Variants in ARHGEF25 observed in about 807,000 individuals in gnomAD.
ARHGEF25 encodes the protein Rho guanine nucleotide exchange factor 25.
In ARHGEF25, 42 loss-of-function variants were observed where a neutral mutation model predicts 74.0. That is an observed-to-expected ratio of 0.57 (90% CI 0.44 to 0.73). The LOEUF is 0.73. Ranked by LOEUF, ARHGEF25 falls within the 30% of genes least tolerant of loss-of-function variation. The pLI is 0.00. For synonymous variants in ARHGEF25, 293 were observed against 278.6 expected (o/e 1.05, Z -0.51); for missense variants, 645 against 725.5 (o/e 0.89, Z 1.27).
At position 57,612,579 on chromosome 12, in the gene ARHGEF25, T is replaced by C. The variant is rs946235415; in HGVS notation, c.98-351T>C. On this transcript the variant is annotated intron_variant, in intron 1 of 14. Transcript: ENST00000286494. ...CTTCCCAGAGAATGGTCTGTACCCA[T>C]TGAAAGAGGGAGGGTTGTAGGAGAG... 8 of 467,258 alleles carry C rather than the reference T, an allele frequency of 1.7e-5. No homozygotes were observed. The Admixed American group carries it at 3.2e-4, about 19-fold the overall frequency. 28.9% of individuals were successfully genotyped at this position (467,258 alleles called of 1,614,324 possible).
At chr12:57,616,165 G>A in intron 13 of ARHGEF25, 119 bp from the exon 14 acceptor site, 18 of 1,454,670 alleles carry the variant, frequency 1.2e-5, no homozygotes, top group Non-Finnish European at 1.7e-5. Flanking sequence ...ATCCCCTAAA[G>A]CCCTAAGCAA....
chr12:57,616,366 C>G lies in ARHGEF25; in HGVS notation c.1503C>G (p.Ser501Arg), dbSNP rs115485566. 3.0e-5 allele frequency: 49 copies of G among 1,614,078 alleles called. No homozygotes were observed. The East Asian group carries it at 8.7e-4, about 29-fold the overall frequency. The change falls in exon 14 of 15, where the codon AGC (serine) becomes AGG (arginine). Residue 501 changes from serine (S) to arginine (R), a missense_variant. Around this residue, in one of 3 missense-constraint regions of ARHGEF25, gnomAD observed 262 missense variants for 256.9 expected, o/e 1.02. Coordinates refer to ENST00000286494, the MANE Select transcript of ARHGEF25 (RefSeq NM_182947.4). ...LGRPRGPGVG[S>R]PGRIQLGDQA... The stretch of plus-strand genomic sequence containing the variant: ...GGCCAAGAGGGCCTGGAGTGGGGAG[C>G]CCTGGAAGAATTCAGCTTGGAGATC...
At position 57,614,175 on chromosome 12, in the gene ARHGEF25, C is replaced by A; in HGVS notation, c.656+56C>A. 2 of 1,599,276 alleles carry A rather than the reference C, an allele frequency of 1.3e-6. No individual in the cohort carries two copies. Among genetic ancestry groups the A allele is most frequent in the South Asian group, 2.2e-5 (2 of 90,680 alleles). On this transcript the variant is annotated intron_variant, in intron 6 of 14. Coordinates refer to ENST00000286494, the MANE Select transcript of ARHGEF25 (RefSeq NM_182947.4). The surrounding 1 kb of genome is among the most constrained non-coding windows in gnomAD (Gnocchi z 4.6). ...TGGAGAGGGGCCCTCATCTGGTTGT[C>A]CTGTATCCTAACATCAGCCCATTGC...
Position 57,614,062 on chromosome 12 carries a change from G to A in ARHGEF25, c.599G>A (p.Arg200Gln), listed in dbSNP as rs756197273. 1.9e-6 allele frequency: 3 copies of A among 1,614,074 alleles called. No individual in the cohort carries two copies. The highest frequency in any genetic ancestry group is 2.2e-5 in the South Asian group (2 of 91,066). The change falls in exon 6 of 15, where the codon CGA becomes CAA. Residue 200 changes from arginine (R) to glutamine (Q), a missense_variant. By Grantham distance (43) the Arg-to-Gln change is conservative. Around this residue, in one of 3 missense-constraint regions of ARHGEF25, gnomAD observed 194 missense variants for 269.4 expected, o/e 0.72. Coordinates refer to ENST00000286494, the MANE Select transcript of ARHGEF25 (RefSeq NM_182947.4). This position sits in a 1 kb window ranked among gnomAD's most constrained non-coding sequence, Gnocchi z 4.6. ...GCTCAGGGGGTCCCCGAGAGTCTTC[G>A]AGGCCGTGACAGGATTGTGTTTGGG... is the stretch of plus-strand genomic sequence containing the variant. ...MAAQGVPESL[R>Q]GRDRIVFGNI...
rs1261160856 is a variant in ARHGEF25 at position 57,614,943 on chromosome 12, G to T, written c.910-24G>T. ...CTAAGGGTGTCCTCGTGACCTCCCT[G>T]AGCATTTCTTCTCTCTGTCTTAGGA... On this transcript the variant is annotated intron_variant, in intron 9 of 14. Transcript: ENST00000286494. This position sits in a 1 kb window ranked among gnomAD's most constrained non-coding sequence, Gnocchi z 4.6. 1 of 1,613,656 alleles carries T rather than the reference G, an allele frequency of 6.2e-7. No homozygotes were observed. Among genetic ancestry groups the T allele is most frequent in the Admixed American group, 1.7e-5 (1 of 60,008 alleles).
chr12:57,613,695 T>A lies in ARHGEF25; in HGVS notation c.487T>A (p.Tyr163Asn), dbSNP rs1331203984. 6.2e-7 allele frequency: 1 copy of A among 1,614,038 alleles called. No homozygotes were observed. Reference protein sequence around the residue: ...QKKKALERSMYVLSELVETEK... With the variant: ...QKKKALERSMNVLSELVETEK... ...GGCCTCCTCCTGCTTTCATCCTAGG[T>A]ATGTCCTGAGTGAACTGGTAGAAAC... Residue 163 changes from tyrosine (Y) to asparagine (N), a missense_variant and splice_region_variant, in exon 5 of 15, where the codon TAT (tyrosine) becomes AAT (asparagine). Tyr to Asn is a moderately radical substitution (Grantham distance 143). Transcript: ENST00000286494.
chr12:57,612,193 GA>G (rs1884084513), intron 1 of ARHGEF25: 1 of 354,390 alleles, frequency 2.8e-6, no homozygotes, highest in South Asian at 1.5e-4. Context: ...AAGGGGCAGG[GA>G]ACTCATCTCT....
rs769521282 is a variant in ARHGEF25, at chr12:57,615,006, G to A, written c.949G>A (p.Ala317Thr). ...KYYNRAGMDT[A>T]DLEQAVEVMC... Reference sequence around the variant, plus strand: ...TTACAATAGAGCTGGGATGGATACTGCAGACCTAGAGGTGAGGACCCCAGA... The same window carrying A: ...TTACAATAGAGCTGGGATGGATACTACAGACCTAGAGGTGAGGACCCCAGA... The change falls in exon 10 of 15, where the codon GCA becomes ACA. Residue 317 changes from alanine (A) to threonine (T), a missense_variant. By Grantham distance (58) the Ala-to-Thr change is moderately conservative. Transcript: ENST00000286494. The A allele has an allele frequency of 2.5e-6, 4 of 1,613,940 alleles. No individual in the cohort carries two copies. Among genetic ancestry groups the A allele is most frequent in the Admixed American group, 1.7e-5 (1 of 60,008 alleles).
rs754646825 is a variant in ARHGEF25, at chr12:57,614,980, A to G, written c.923A>G (p.Tyr308Cys). 5 of 1,614,076 alleles carry G rather than the reference A, an allele frequency of 3.1e-6. No homozygotes were observed. The highest frequency in any genetic ancestry group is 4.2e-6 in the Non-Finnish European group (5 of 1,179,986). ...YQLLLKDFLK[Y>C]YNRAGMDTAD... ...TCTCTGTCTTAGGATTTTCTCAAGT[A>G]TTACAATAGAGCTGGGATGGATACT... Residue 308 changes from tyrosine (Y) to cysteine (C), a missense_variant, in exon 10 of 15, where the codon TAT becomes TGT. Tyr to Cys is a radical substitution (Grantham distance 194, BLOSUM62 -2). This residue lies in a region of ARHGEF25 where 194 missense variants were observed against 269.4 expected (regional missense o/e 0.72). Transcript: ENST00000286494. The surrounding 1 kb of genome is among the most constrained non-coding windows in gnomAD (Gnocchi z 4.6).
At position 57,612,922 on chromosome 12, in the gene ARHGEF25, C is replaced by T; in HGVS notation, c.98-8C>T. On this transcript the variant is annotated splice_polypyrimidine_tract_variant and splice_region_variant and intron_variant, in intron 1 of 14. Coordinates refer to ENST00000286494, the MANE Select transcript of ARHGEF25 (RefSeq NM_182947.4). ...GTCTATCACCTCCTCTCTTTTTCCT[C>T]CCATTAGAATCCTATTCCATTGCGG... The T allele has an allele frequency of 3.1e-6, 5 of 1,610,994 alleles. No homozygotes were observed. In the African/African-American group the frequency reaches 5.3e-5, roughly 17 times the overall value.
Position 57,613,036 on chromosome 12 carries a change from C to T in ARHGEF25, c.204C>T (p.Ser68=). The T allele has an allele frequency of 6.2e-7, 1 of 1,614,140 alleles. No homozygotes were observed. Among genetic ancestry groups the T allele is most frequent in the Non-Finnish European group, 8.5e-7 (1 of 1,179,998 alleles). The change falls in exon 2 of 15, where the codon TCC becomes TCT. Residue 68 remains serine (S), a synonymous_variant. Transcript: ENST00000286494. ...CTGGCCTCAGCTCTGGCCCCTGTTC[C>T]CCAGGCCCCCCAGGGCCCGTCAGTG... ...PSSGLSSGPC[S]PGPPGPVSGL... is the part of the protein sequence containing the mutation.
At chr12:57,615,189 T>A in intron 10 of ARHGEF25, 48 bp from the exon 11 acceptor site, 1 of 1,567,580 alleles carries the variant, frequency 6.4e-7, no homozygotes, top group Non-Finnish European at 8.6e-7. Flanking sequence ...TCTTTCCCAA[T>A]AATGACTCTC....
Position 57,614,659 on chromosome 12 carries a change from G to C in ARHGEF25, c.817-30G>C, listed in dbSNP as rs763016670. 3 of 1,613,716 alleles carry C rather than the reference G, an allele frequency of 1.9e-6. No homozygotes were observed. Among genetic ancestry groups the C allele is most frequent in the Admixed American group, 1.7e-5 (1 of 59,972 alleles). ...GGAGGACAGAACTGGGGCTTTCCAG[G>C]CTGCATAACCACCCTGTCCCTGTCC... is the stretch of plus-strand genomic sequence containing the variant. On this transcript the variant is annotated intron_variant, in intron 8 of 14. Transcript: ENST00000286494. The surrounding 1 kb of genome is among the most constrained non-coding windows in gnomAD (Gnocchi z 4.6).
chr12:57,611,802 G>T lies in ARHGEF25; in HGVS notation c.-93G>T, dbSNP rs906069017. ...AGCCTGGACCGGGGTAGGAGGGAGG[G>T]GGGGTGTGCGCCCGGCGCCGTCCCC... On this transcript the variant is annotated 5_prime_UTR_variant, in exon 1 of 15. Transcript: ENST00000286494. This position sits in a 1 kb window ranked among gnomAD's most constrained non-coding sequence, Gnocchi z 4.5. 1.7e-6 allele frequency: 2 copies of T among 1,148,488 alleles called. No homozygotes were observed. Among genetic ancestry groups the T allele is most frequent in the Non-Finnish European group, 2.2e-6 (2 of 914,694 alleles). The allele number at this position is 1,148,488 out of a possible 1,614,324, so 71.1% of individuals were successfully genotyped here.
intron 5 of ARHGEF25, 88 bp from the exon 6 acceptor site, chr12:57,613,928 A>C: frequency 6.7e-7 from 1 of 1,497,190 alleles, no homozygotes; most frequent in South Asian, 1.2e-5. Flanking sequence ...GGGGAGGTGG[A>C]ACACACCCTG....
At chr12:57,615,412 G>T in intron 11 of ARHGEF25, 98 bp downstream of exon 11, 1 of 1,588,592 alleles carries the variant, frequency 6.3e-7, no homozygotes, top group South Asian at 1.1e-5. Context: ...TCCTGGGGCT[G>T]ACCCCATGGT....
intron 2 of ARHGEF25, 21 bp from the exon 3 acceptor site, chr12:57,613,243 C>T (rs779667522): frequency 1.9e-6 from 3 of 1,613,636 alleles, no homozygotes; most frequent in Non-Finnish European, 2.5e-6. Flanking sequence ...CGACCTCTGA[C>T]ACTTGATTTC....
chr12:57,616,142 A>C (rs1349938168), intron 13 of ARHGEF25, 125 bp downstream of exon 13: 12 of 1,465,266 alleles, frequency 8.2e-6, no homozygotes, highest in South Asian at 1.3e-5. Context: ...CTGCTAGCTC[A>C]AAATTTGATA....
chr12:57,615,579 G>C lies in ARHGEF25; in HGVS notation c.1106G>C (p.Gly369Ala), dbSNP rs1273155882. ...DTFWVTEPEA[G>A]GLLSSRGRER... Reference sequence around the variant, plus strand: ...TTCTGGGTCACCGAGCCTGAGGCTGGAGGGCTGCTGTCTTCCCGAGGTCGA... The same window carrying C: ...TTCTGGGTCACCGAGCCTGAGGCTGCAGGGCTGCTGTCTTCCCGAGGTCGA... The change falls in exon 12 of 15, where the codon GGA becomes GCA. Residue 369 changes from glycine to alanine, a missense_variant. By Grantham distance (60) the Gly-to-Ala change is moderately conservative (BLOSUM62 0). Transcript: ENST00000286494. The C allele has an allele frequency of 2.5e-6, 4 of 1,614,106 alleles. No individual in the cohort carries two copies. The highest frequency in any genetic ancestry group is 2.5e-6 in the Non-Finnish European group (3 of 1,180,058).
Sources: allele counts gnomAD v4.1 joint callset, GRCh38; gene constraint gnomAD v4.1.1; regional missense constraint gnomAD v4.1.1; non-coding constraint Gnocchi (gnomAD v3.1); transcripts MANE v1.5; gene names NCBI Gene and HGNC (gene_info 2026-07-23, HGNC 2026-07-21).